Variants in AFF3 observed in about 807,000 individuals in gnomAD.
The protein encoded by AFF3 is AF4/FMR2 family member 3.
In AFF3, 32 loss-of-function variants were observed where a neutral mutation model predicts 129.7. The observed-to-expected ratio is 0.25, with a 90% CI of 0.19 to 0.33. The LOEUF (loss-of-function observed/expected upper bound fraction) is 0.33, where lower values mean the gene tolerates loss of function less well. Among genes scored for constraint, AFF3 ranks in the 10% least tolerant of loss-of-function variants. The pLI is 1.00. For synonymous variants in AFF3, 644 were observed against 635.4 expected (o/e 1.01, Z -0.20); for missense variants, 1,373 against 1,592.0 (o/e 0.86, Z 2.34).
At chr2:99,642,851 C>T (rs1404178) in intron 13 of AFF3, among the ~76,000 whole-genome samples, 33 of 151,908 alleles carry the variant, frequency 2.2e-4, no homozygotes, top group Non-Finnish European at 4.0e-4. Context: ...GTAAAATGGG[C>T]CCCATCTATC....
intron 13 of AFF3, among the ~76,000 whole-genome samples, chr2:99,604,327 A>G (rs1254966924): frequency 1.3e-5 from 2 of 152,256 alleles, no homozygotes; most frequent in Non-Finnish European, 1.5e-5. Flanking sequence ...TTGCAGGGAC[A>G]TGAATGGAGC....
At chr2:100,020,418 ATGT>A (rs982889922) in intron 4 of AFF3, among the ~76,000 whole-genome samples, 1 of 151,948 alleles carries the variant, frequency 6.6e-6, no homozygotes, top group African/African-American at 2.4e-5. Context: ...CTTTATGTTG[ATGT>A]TGTACAACTC....
chr2:99,563,995 C>G (rs80048304), intron 20 of AFF3, among the ~76,000 whole-genome samples: 4,967 of 152,100 alleles, frequency 0.033, 276 homozygotes, highest in African/African-American at 0.11. Context: ...CCAGCACCCT[C>G]TCTTTGATGG....
chr2:99,734,523 G>A (rs959481132), intron 10 of AFF3, among the ~76,000 whole-genome samples: 1 of 151,974 alleles, frequency 6.6e-6, no homozygotes, highest in Non-Finnish European at 1.5e-5. Flanking sequence ...GGCAGATACT[G>A]TTATTGTGTT....
intron 7 of AFF3, among the ~76,000 whole-genome samples, chr2:99,952,204 G>A (rs990174583): frequency 1.3e-5 from 2 of 152,140 alleles, no homozygotes. Flanking sequence ...GTGACAGTGA[G>A]TGGGTTATTG....
At chr2:99,651,566 CA>C (rs1430837301) in intron 12 of AFF3, among the ~76,000 whole-genome samples, 28 of 152,172 alleles carry the variant, frequency 1.8e-4, no homozygotes, top group Non-Finnish European at 2.9e-5. Context: ...CTCAGCCTCC[CA>C]AGTAGCTGAG....
chr2:100,068,553 G>A (rs562659203), intron 4 of AFF3, among the ~76,000 whole-genome samples: 1 of 152,258 alleles, frequency 6.6e-6, no homozygotes, highest in African/African-American at 2.4e-5. Context: ...GCTGTGATGC[G>A]TAAAAAAGGA....
intron 4 of AFF3, among the ~76,000 whole-genome samples, chr2:100,064,277 C>T (rs1687543218): frequency 6.6e-6 from 1 of 152,256 alleles, no homozygotes; most frequent in East Asian, 1.9e-4. Context: ...CTATCACCTA[C>T]CCCTCCTCTA....
In AFF3 at chr2:99,594,231, G is replaced by T. The variant is rs1679063479; in HGVS notation, c.1430C>A (p.Pro477His). Residue 477 changes from proline (P) to histidine (H), a missense_variant, in exon 15 of 25, where the codon CCC (proline) becomes CAC (histidine). This residue lies in a region of AFF3 where 413 missense variants were observed against 424.4 expected (regional missense o/e 0.97). Coordinates refer to ENST00000672756, the MANE Select transcript of AFF3 (RefSeq NM_001386135.1). ...QLDKWLNKVN[P>H]HKPPILIQNE... ...TTGGATCAGAATAGGAGGCTTGTGG[G>T]GATTAACTTTGTTTAGCCATTTATC... The T allele has an allele frequency of 3.1e-6, 5 of 1,612,998 alleles. No homozygotes were observed. The highest frequency in any genetic ancestry group is 4.2e-6 in the Non-Finnish European group (5 of 1,179,420).
intron 8 of AFF3, among the ~76,000 whole-genome samples, chr2:99,826,586 A>G (rs1484580328): frequency 6.6e-6 from 1 of 152,142 alleles, no homozygotes; most frequent in Non-Finnish European, 1.5e-5. Context: ...TAGGCAGAGC[A>G]TGTGCCGGGG....
At position 100,007,294 on chromosome 2, in the gene AFF3, G is replaced by C; in HGVS notation, c.341C>G (p.Ala114Gly). 6.2e-7 allele frequency: 1 copy of C among 1,614,106 alleles called. No individual in the cohort carries two copies. Among genetic ancestry groups the C allele is most frequent in the Non-Finnish European group, 8.5e-7 (1 of 1,180,012 alleles). Reference sequence around the variant, plus strand: ...GGGCTGGTTCTGGGCTCTTGAATCTGCAACAAAATGTTCATCGATCTTGTT... The same window carrying C: ...GGGCTGGTTCTGGGCTCTTGAATCTCCAACAAAATGTTCATCGATCTTGTT... ...PVNKIDEHFV[A>G]DSRAQNQPSS... The change falls in exon 6 of 25, where the codon GCA (alanine) becomes GGA (glycine). Residue 114 changes from alanine (A) to glycine (G), a missense_variant. By Grantham distance (60) the Ala-to-Gly change is moderately conservative (BLOSUM62 0). Transcript: ENST00000672756.
chr2:99,639,962 C>A (rs561295019), intron 13 of AFF3, among the ~76,000 whole-genome samples: 63 of 152,086 alleles, frequency 4.1e-4, no homozygotes, highest in African/African-American at 1.5e-3. Context: ...GGATTACAGG[C>A]GTTAGCCACT....
intron 4 of AFF3, among the ~76,000 whole-genome samples, chr2:100,024,231 CAAAAAAA>C (rs56368025): frequency 9.3e-4 from 52 of 56,042 alleles, no homozygotes; most frequent in Admixed American, 1.8e-3. Flanking sequence ...GACTCCGTCT[CAAAAAAA>C]AAAAAAAAAA....
Position 99,593,630 on chromosome 2 carries a change from CGAGGAGGAGGAT to C in AFF3, c.2019_2030del (p.Ser674_Ser677del), listed in dbSNP as rs768476115. On this transcript the variant is annotated inframe_deletion, in exon 15 of 25. Coordinates refer to ENST00000672756, the MANE Select transcript of AFF3 (RefSeq NM_001386135.1). ...CCTGCTCGGACTCCAGGTCGGAGTC[CGAGGAGGAGGAT>C]GAAGATGACGACTCTGTCTCAATGA... 2 of 1,609,830 alleles carry C rather than the reference CGAGGAGGAGGAT, an allele frequency of 1.2e-6. No homozygotes were observed. The highest frequency in any genetic ancestry group is 1.7e-6 in the Non-Finnish European group (2 of 1,177,724).
At chr2:99,913,506 G>A (rs1695248539) in intron 7 of AFF3, among the ~76,000 whole-genome samples, 3 of 152,172 alleles carry the variant, frequency 2.0e-5, no homozygotes, top group Admixed American at 6.5e-5. Context: ...ATATACGTAT[G>A]TATATGTATA....
intron 4 of AFF3, among the ~76,000 whole-genome samples, chr2:100,083,209 G>A (rs188790322): frequency 2.0e-5 from 3 of 152,076 alleles, no homozygotes; most frequent in African/African-American, 7.2e-5. Context: ...AAAGAACAAC[G>A]GTATTTTTCA....
chr2:99,867,183 C>T (rs1391099524), intron 7 of AFF3, among the ~76,000 whole-genome samples: 2 of 152,120 alleles, frequency 1.3e-5, no homozygotes, highest in African/African-American at 4.8e-5. Context: ...TCCCACTACT[C>T]ATTTAACAAA....
chr2:99,996,745 C>T (rs1680879260), intron 7 of AFF3, among the ~76,000 whole-genome samples: 1 of 152,040 alleles, frequency 6.6e-6, no homozygotes, highest in Admixed American at 6.6e-5. Flanking sequence ...AAATTCTTTG[C>T]TGTCCTTTGC....
intron 8 of AFF3, among the ~76,000 whole-genome samples, chr2:99,822,103 G>T (rs573012230): frequency 1.3e-5 from 2 of 152,094 alleles, no homozygotes; most frequent in African/African-American, 2.4e-5. Flanking sequence ...TTTAAACTCC[G>T]TCTCTTACTC....
Sources: gnomAD v4.1 joint callset for allele counts (sites outside exome capture counted in the v4.1 genomes callset) on GRCh38, gnomAD v4.1.1 for gene constraint, gnomAD v4.1.1 regional missense constraint, MANE v1.5 for transcripts, NCBI Gene and HGNC (gene_info 2026-07-23, HGNC 2026-07-21) for gene names.